The following ENPEP variants were observed in gnomAD, a reference collection of about 807,000 sequenced individuals.
The protein encoded by ENPEP is AP-A.
ENPEP carries 103 observed loss-of-function variants against 114.5 expected under a neutral mutation model. The ratio of observed to expected loss-of-function variants is 0.90; its 90% CI spans 0.77 to 1.06. The LOEUF (loss-of-function observed/expected upper bound fraction) is 1.06. Among genes scored for constraint, ENPEP ranks in the 50% least tolerant of loss-of-function variants. The pLI is 0.00. For missense variants in ENPEP, 1,196 were observed against 1,161.3 expected (o/e 1.03, Z -0.43); for synonymous variants, 420 against 422.0 (o/e 1.00, Z 0.06).
chr4:110,558,563 G>A (rs1727573161), intron 18 of ENPEP, among the ~76,000 whole-genome samples: 1 of 152,058 alleles, frequency 6.6e-6, no homozygotes, highest in Non-Finnish European at 1.5e-5. Flanking sequence ...GCAAAGTGCT[G>A]GGATTACAGG....
intron 10 of ENPEP, among the ~76,000 whole-genome samples, chr4:110,526,597 G>A (rs1311782374): frequency 6.6e-6 from 1 of 152,182 alleles, no homozygotes; most frequent in African/African-American, 2.4e-5. Flanking sequence ...AACCAGGTAT[G>A]CAGACCATGT....
chr4:110,526,250 T>C (rs1358627503), intron 10 of ENPEP, among the ~76,000 whole-genome samples: 2 of 152,144 alleles, frequency 1.3e-5, no homozygotes, highest in African/African-American at 4.8e-5. Context: ...CACTCCAGCC[T>C]GGGTGATAGA....
In ENPEP at chr4:110,510,363, G is replaced by A. The variant is rs751848558; in HGVS notation, c.1308+5G>A. The A allele has an allele frequency of 3.1e-6, 5 of 1,602,750 alleles. No individual in the cohort carries two copies. Among genetic ancestry groups the A allele is most frequent in the African/African-American group, 1.3e-5 (1 of 74,668 alleles). The stretch of plus-strand genomic sequence containing the variant: ...GCAGAAACAGACTGGCAAATGGTGA[G>A]TCCTAAACACATAAACTTGAAATCT... On this transcript the variant is annotated splice_donor_5th_base_variant and intron_variant, in intron 6 of 19. Transcript: ENST00000265162.
chr4:110,506,596 A>C (rs1329066799), intron 3 of ENPEP, 41 bp from the exon 4 acceptor site: 1 of 1,563,718 alleles, frequency 6.4e-7, no homozygotes, highest in African/African-American at 1.4e-5. Context: ...TTGTTGAATG[A>C]AGAATAATTT....
chr4:110,492,716 T>A (rs1724774577), intron 3 of ENPEP, among the ~76,000 whole-genome samples: 1 of 152,202 alleles, frequency 6.6e-6, no homozygotes, highest in Non-Finnish European at 1.5e-5. Context: ...AATAGGAAGT[T>A]GTTTTTTCTA....
At position 110,548,300 on chromosome 4, in the gene ENPEP, G is replaced by T. The variant is rs992392755; in HGVS notation, c.2125G>T (p.Asp709Tyr). The T allele has an allele frequency of 4.4e-6, 7 of 1,602,148 alleles. No individual in the cohort carries two copies. The South Asian group carries it at 7.9e-5, about 18-fold the overall frequency. The change falls in exon 14 of 20, where the codon GAT (aspartate) becomes TAT (tyrosine). Residue 709 changes from aspartate (D) to tyrosine (Y), a missense_variant. Asp to Tyr is a radical substitution (Grantham distance 160). Transcript: ENST00000265162. Reference protein sequence around the residue: ...VTYIISMFEDDKELYPMIEEY... With the variant: ...VTYIISMFEDYKELYPMIEEY... ...CTACATCATTAGCATGTTTGAAGAT[G>T]ATAAAGAGCTATATCCTATGATTGA...
At chr4:110,554,693 C>T (rs571472793) in intron 18 of ENPEP, among the ~76,000 whole-genome samples, 12 of 151,954 alleles carry the variant, frequency 7.9e-5, no homozygotes, top group Admixed American at 5.3e-4. Flanking sequence ...GTAATACCCT[C>T]CATTTTGAAA....
At position 110,486,864 on chromosome 4, in the gene ENPEP, T is replaced by C. The variant is rs866580255; in HGVS notation, c.645-1677T>C. Among the ~76,000 whole-genome samples, 6 of 152,206 alleles carry C rather than the reference T, an allele frequency of 3.9e-5. No individual in the cohort carries two copies. In the South Asian group the frequency reaches 1.2e-3, roughly 31 times the overall value. On this transcript the variant is annotated intron_variant, in intron 1 of 19. Coordinates refer to ENST00000265162, the MANE Select transcript of ENPEP (RefSeq NM_001977.4). ...GGCTGTGCAGGAGACTGGAATTTTA[T>C]TATTACTCAACTTTGTCTCCCCGAA...
At chr4:110,537,396 C>T (rs1726678116) in intron 11 of ENPEP, among the ~76,000 whole-genome samples, 1 of 152,186 alleles carries the variant, frequency 6.6e-6, no homozygotes, top group Non-Finnish European at 1.5e-5. Context: ...GATTCCATCT[C>T]AAGAAACCGC....
chr4:110,542,661 T>C, intron 11 of ENPEP, 90 bp from the exon 12 acceptor site: 1 of 1,293,004 alleles, frequency 7.7e-7, no homozygotes, highest in Non-Finnish European at 1.0e-6. Context: ...TTTCTTTTCT[T>C]TTATTTTCTT....
chr4:110,546,369 G>T (rs1394886103), intron 13 of ENPEP, among the ~76,000 whole-genome samples: 1 of 151,304 alleles, frequency 6.6e-6, no homozygotes, highest in Non-Finnish European at 1.5e-5. Flanking sequence ...TTTTCTGTTT[G>T]CAATTACTTT....
Position 110,548,271 on chromosome 4 carries a change from T to C in ENPEP, c.2096T>C (p.Val699Ala). The C allele has an allele frequency of 6.2e-7, 1 of 1,603,192 alleles. No individual in the cohort carries two copies. The highest frequency in any genetic ancestry group is 1.7e-5 in the Admixed American group (1 of 58,422). ...CCATGGCAGAGAGTAATTTCAGCTG[T>C]AACCTACATCATTAGCATGTTTGAA... Reference protein sequence around the residue: ...FLPWQRVISAVTYIISMFEDD... With the variant: ...FLPWQRVISAATYIISMFEDD... Residue 699 changes from valine to alanine, a missense_variant, in exon 14 of 20, where the codon GTA (valine) becomes GCA (alanine). Physicochemically the swap from Val to Ala is moderately conservative, Grantham distance 64. Transcript: ENST00000265162.
chr4:110,494,194 T>G (rs1446977769), intron 3 of ENPEP, among the ~76,000 whole-genome samples: 1 of 152,168 alleles, frequency 6.6e-6, no homozygotes, highest in Non-Finnish European at 1.5e-5. Flanking sequence ...GGAACCTGTT[T>G]CCGACCCATT....
intron 10 of ENPEP, among the ~76,000 whole-genome samples, chr4:110,530,136 C>T (rs1289561676): frequency 6.6e-6 from 1 of 151,916 alleles, no homozygotes; most frequent in East Asian, 1.9e-4. Context: ...CTGACAGTGT[C>T]CACTATAAGG....
At chr4:110,524,431 A>G (rs1448808) in intron 10 of ENPEP, among the ~76,000 whole-genome samples, 74,287 of 152,034 alleles carry the variant, frequency 0.49, 18,989 homozygotes, top group Middle Eastern at 0.64. Context: ...TATCACTTAC[A>G]AGAAACTTAT....
chr4:110,547,349 T>C (rs1287296604), intron 13 of ENPEP, among the ~76,000 whole-genome samples: 1 of 152,086 alleles, frequency 6.6e-6, no homozygotes, highest in East Asian at 1.9e-4. Flanking sequence ...GCCTTCAGAA[T>C]TGCTGTTTGT....
intron 15 of ENPEP, 37 bp from the exon 16 acceptor site, chr4:110,549,491 C>T (rs767740433): frequency 6.2e-7 from 1 of 1,612,540 alleles, no homozygotes; most frequent in Admixed American, 1.7e-5. Flanking sequence ...TTGAAAAGTG[C>T]TTAAGGCCCT....
At chr4:110,530,663 G>A (rs571734277) in intron 10 of ENPEP, among the ~76,000 whole-genome samples, 7 of 152,300 alleles carry the variant, frequency 4.6e-5, no homozygotes, top group African/African-American at 1.7e-4. Context: ...GAGCACTTCA[G>A]TTCTAGTTCT....
intron 11 of ENPEP, chr4:110,532,938 A>G: frequency 1.3e-5 from 3 of 235,776 alleles, no homozygotes; most frequent in East Asian, 9.6e-5. Context: ...CCAGAGGAAA[A>G]GGGAGAAGAC....
Sources: allele counts gnomAD v4.1 joint callset (sites outside exome capture counted in the v4.1 genomes callset), GRCh38; gene constraint gnomAD v4.1.1; transcripts MANE v1.5; gene names NCBI Gene and HGNC (gene_info 2026-07-23, HGNC 2026-07-21).